ACBD6: variants seen among roughly 807,000 people sequenced by gnomAD.
ACBD6 encodes the protein acyl-CoA binding domain containing 6.
Under a neutral mutation model 37.2 loss-of-function variants are expected in ACBD6, and 28 were observed. The ratio of observed to expected loss-of-function variants is 0.75; its 90% confidence interval spans 0.56 to 1.03. The LOEUF (loss-of-function observed/expected upper bound fraction) is 1.03, where lower values mean the gene tolerates loss of function less well. ACBD6 is among the 50% of genes least tolerant of loss of function. The pLI, the probability that ACBD6 is intolerant of heterozygous loss-of-function variation, is 0.00. For missense variants in ACBD6, 340 were observed against 337.4 expected, an observed-to-expected ratio of 1.01 and a Z score of -0.06; for synonymous variants, 113 against 126.8, an observed-to-expected ratio of 0.89 and a Z score of 0.73.
chr1:180,321,031 C>T (rs1210482042), intron 6 of ACBD6, among the ~76,000 whole-genome samples: 3 of 152,020 alleles, frequency 2.0e-5, no homozygotes, highest in Admixed American at 1.3e-4. Flanking sequence ...TTCCCAGCAC[C>T]GTTTATTAAA....
chr1:180,476,546 C>T (rs1448119253), intron 3 of ACBD6, among the ~76,000 whole-genome samples: 1 of 152,178 alleles, frequency 6.6e-6, no homozygotes, highest in Non-Finnish European at 1.5e-5. Flanking sequence ...GAAAACTCAG[C>T]CGGGCACAGT....
intron 6 of ACBD6, among the ~76,000 whole-genome samples, chr1:180,370,311 TG>T (rs1653207906): frequency 6.6e-6 from 1 of 152,154 alleles, no homozygotes; most frequent in East Asian, 1.9e-4. Flanking sequence ...AAAGAGGGTA[TG>T]GGGAAAAGAA....
chr1:180,345,339 T>C (rs185299110), intron 6 of ACBD6, among the ~76,000 whole-genome samples: 178 of 152,292 alleles, frequency 1.2e-3, no homozygotes, highest in African/African-American at 4.2e-3. Context: ...AAAATTTACA[T>C]AGTCTGTTAG....
intron 6 of ACBD6, among the ~76,000 whole-genome samples, chr1:180,381,821 A>G (rs1653663234): frequency 6.6e-6 from 1 of 152,138 alleles, no homozygotes; most frequent in Non-Finnish European, 1.5e-5. Flanking sequence ...TAGAAAAACA[A>G]GAACACCCAG....
At chr1:180,352,818 T>C (rs867831939) in intron 6 of ACBD6, among the ~76,000 whole-genome samples, 1 of 152,368 alleles carries the variant, frequency 6.6e-6, no homozygotes, top group Middle Eastern at 3.4e-3. Context: ...AAGGCTCAGA[T>C]ACCTTTATTT....
intron 8 of ACBD6, among the ~76,000 whole-genome samples, chr1:180,282,253 C>T (rs766099094): frequency 6.6e-6 from 1 of 152,174 alleles, no homozygotes; most frequent in African/African-American, 2.4e-5. Flanking sequence ...TTATCTTTCT[C>T]TTGCTTGCCA....
At chr1:180,404,370 A>G (rs978356563) in intron 5 of ACBD6, among the ~76,000 whole-genome samples, 1 of 152,236 alleles carries the variant, frequency 6.6e-6, no homozygotes. Flanking sequence ...TATGTTGCTC[A>G]GCCTAGTCTT....
chr1:180,425,571 AAAATCCAAATATTCATTTTTT>A, intron 4 of ACBD6, among the ~76,000 whole-genome samples: 1 of 152,224 alleles, frequency 6.6e-6, no homozygotes, highest in African/African-American at 2.4e-5. Context: ...TAAATGCATA[AAAATCCAAATATTCATTTTTT>A]AAAACACAAA....
chr1:180,318,162 C>CT (rs1650891211), intron 6 of ACBD6, among the ~76,000 whole-genome samples: 2 of 42,976 alleles, frequency 4.7e-5, no homozygotes, highest in South Asian at 7.9e-4. Context: ...ATTCCATCTC[C>CT]GCCCCCCCCC....
At chr1:180,337,827 T>C in intron 6 of ACBD6, among the ~76,000 whole-genome samples, 1 of 152,144 alleles carries the variant, frequency 6.6e-6, no homozygotes, top group Non-Finnish European at 1.5e-5. Context: ...AAAATCAATG[T>C]GCAAAAATCA....
intron 6 of ACBD6, among the ~76,000 whole-genome samples, chr1:180,376,856 A>G (rs927084028): frequency 2.0e-5 from 3 of 152,206 alleles, no homozygotes; most frequent in Non-Finnish European, 4.4e-5. Flanking sequence ...AAAACATTAA[A>G]GCCAACCATG....
intron 5 of ACBD6, 120 bp downstream of exon 5, chr1:180,413,246 G>A: frequency 1.3e-6 from 1 of 757,620 alleles, no homozygotes. Context: ...TAGATATTCT[G>A]ATATACTCTT....
At chr1:180,327,353 T>C (rs912002194) in intron 6 of ACBD6, among the ~76,000 whole-genome samples, 9 of 152,160 alleles carry the variant, frequency 5.9e-5, no homozygotes, top group African/African-American at 1.9e-4. Context: ...CCTCTCCAAG[T>C]GCACAGATTC....
At chr1:180,492,459 G>C (rs1319068565) in intron 2 of ACBD6, 94 bp from the exon 3 acceptor site, 4 of 951,222 alleles carry the variant, frequency 4.2e-6, no homozygotes, top group Non-Finnish European at 6.7e-6. Context: ...CACATTTCAA[G>C]GGTCTCTGAA....
At chr1:180,337,734 T>G (rs1312341848) in intron 6 of ACBD6, among the ~76,000 whole-genome samples, 1 of 152,234 alleles carries the variant, frequency 6.6e-6, no homozygotes, top group Non-Finnish European at 1.5e-5. Context: ...GCAGATGACA[T>G]GATTGTATAT....
intron 4 of ACBD6, among the ~76,000 whole-genome samples, chr1:180,421,657 G>C (rs894510565): frequency 3.9e-5 from 6 of 152,104 alleles, no homozygotes; most frequent in African/African-American, 1.2e-4. Context: ...AATCTCACCA[G>C]AATCTGTTGT....
intron 6 of ACBD6, among the ~76,000 whole-genome samples, chr1:180,387,889 A>G (rs1653904219): frequency 6.6e-6 from 1 of 152,174 alleles, no homozygotes; most frequent in Non-Finnish European, 1.5e-5. Flanking sequence ...AAGAAAACCC[A>G]GAGAAGCCGG....
intron 5 of ACBD6, among the ~76,000 whole-genome samples, 159 bp downstream of exon 5, chr1:180,413,207 G>A (rs541199951): frequency 9.9e-5 from 15 of 152,236 alleles, no homozygotes; most frequent in South Asian, 2.1e-4. Flanking sequence ...ATCACAGAAC[G>A]TATCTTAACT....
At chr1:180,446,000 T>G (rs1649456276) in intron 3 of ACBD6, among the ~76,000 whole-genome samples, 1 of 152,066 alleles carries the variant, frequency 6.6e-6, no homozygotes, top group South Asian at 2.1e-4. Context: ...GTCTGTTTCT[T>G]AAGTGTACTT....
Sources: gnomAD v4.1 joint callset for allele counts (sites outside exome capture counted in the v4.1 genomes callset) on GRCh38, gnomAD v4.1.1 for gene constraint, MANE v1.5 for transcripts, NCBI Gene and HGNC (gene_info 2026-07-23, HGNC 2026-07-21) for gene names.